ADAMTSL3: variants seen among roughly 807,000 people sequenced by gnomAD.
The protein encoded by ADAMTSL3 is ADAMTS-like protein 3.
ADAMTSL3 carries 128 observed loss-of-function variants against 201.7 expected under a neutral mutation model. The ratio of observed to expected loss-of-function variants is 0.63; its 90% CI spans 0.55 to 0.73. The LOEUF (loss-of-function observed/expected upper bound fraction) is 0.73, where lower values mean the gene tolerates loss of function less well. Among genes scored for constraint, ADAMTSL3 ranks in the 30% least tolerant of loss-of-function variants. ADAMTSL3 has a pLI of 0.00. For missense variants in ADAMTSL3, 1,990 were observed against 2,119.6 expected, an observed-to-expected ratio of 0.94 and a Z score of 1.20; for synonymous variants, 738 against 748.4, an observed-to-expected ratio of 0.99 and a Z score of 0.23.
At chr15:83,812,235 C>T (rs2141886109) in intron 5 of ADAMTSL3, among the ~76,000 whole-genome samples, 1 of 152,276 alleles carries the variant, frequency 6.6e-6, no homozygotes, top group East Asian at 1.9e-4. Flanking sequence ...CAACCCACCC[C>T]ACCTCAAGTG....
At chr15:83,939,516 G>T (rs1261804327) in intron 17 of ADAMTSL3, among the ~76,000 whole-genome samples, 2 of 151,310 alleles carry the variant, frequency 1.3e-5, no homozygotes, top group Admixed American at 1.3e-4. Context: ...CTTTTTTTAT[G>T]CCACAATGTC....
At chr15:83,962,987 A>G (rs12900895) in intron 19 of ADAMTSL3, among the ~76,000 whole-genome samples, 21,535 of 152,200 alleles carry the variant, frequency 0.14, 1,984 homozygotes, top group Middle Eastern at 0.34. Context: ...AATCTAGCCC[A>G]GGTACTACAC....
chr15:83,877,370 C>T (rs548737361), intron 9 of ADAMTSL3, among the ~76,000 whole-genome samples: 2 of 152,200 alleles, frequency 1.3e-5, no homozygotes, highest in Admixed American at 6.5e-5. Context: ...GTTTAATTGA[C>T]CTAGAGCCAT....
At chr15:83,922,182 A>G (rs2066159819) in intron 16 of ADAMTSL3, among the ~76,000 whole-genome samples, 1 of 152,228 alleles carries the variant, frequency 6.6e-6, no homozygotes, top group African/African-American at 2.4e-5. Context: ...AGAAGTGTCT[A>G]AGTAACATTG....
intron 9 of ADAMTSL3, among the ~76,000 whole-genome samples, chr15:83,871,427 T>C (rs1372599902): frequency 6.6e-6 from 1 of 152,194 alleles, no homozygotes; most frequent in Non-Finnish European, 1.5e-5. Context: ...TAAACCAGTA[T>C]TGTGCCGCTG....
At chr15:83,882,955 T>G (rs1276432019) in intron 9 of ADAMTSL3, among the ~76,000 whole-genome samples, 1 of 152,048 alleles carries the variant, frequency 6.6e-6, no homozygotes, top group Non-Finnish European at 1.5e-5. Context: ...TAAGCAATTA[T>G]ATCATTAAAT....
intron 19 of ADAMTSL3, among the ~76,000 whole-genome samples, chr15:83,947,356 A>G (rs547771943): frequency 3.1e-4 from 47 of 152,362 alleles, no homozygotes; most frequent in Middle Eastern, 3.4e-3. Context: ...CACTAGCTCT[A>G]TTCATGATAT....
At chr15:83,666,804 C>G (rs1247984686) in intron 2 of ADAMTSL3, among the ~76,000 whole-genome samples, 3 of 150,930 alleles carry the variant, frequency 2.0e-5, no homozygotes, top group South Asian at 2.1e-4. Flanking sequence ...GATTGTGCCA[C>G]TGCACTCCAG....
chr15:83,763,132 C>T (rs1291267872), intron 3 of ADAMTSL3, among the ~76,000 whole-genome samples: 1 of 152,040 alleles, frequency 6.6e-6, no homozygotes, highest in Non-Finnish European at 1.5e-5. Context: ...TCAAGTGATT[C>T]CCCCCACCTC....
intron 2 of ADAMTSL3, among the ~76,000 whole-genome samples, chr15:83,658,435 G>A (rs183018884): frequency 1.3e-5 from 2 of 152,332 alleles, no homozygotes; most frequent in Non-Finnish European, 2.9e-5. Flanking sequence ...TATTGAATCA[G>A]CTAAAATGTA....
intron 5 of ADAMTSL3, among the ~76,000 whole-genome samples, chr15:83,806,414 A>G (rs2063603228): frequency 6.6e-6 from 1 of 152,216 alleles, no homozygotes; most frequent in South Asian, 2.1e-4. Context: ...TGTAGACCCA[A>G]CTACTGTGTC....
chr15:83,702,415 AG>A (rs1308153150), intron 2 of ADAMTSL3, among the ~76,000 whole-genome samples: 1 of 152,226 alleles, frequency 6.6e-6, no homozygotes, highest in Non-Finnish European at 1.5e-5. Flanking sequence ...AAATGTCTCC[AG>A]GGCATGTCAG....
intron 13 of ADAMTSL3, among the ~76,000 whole-genome samples, chr15:83,894,536 T>A (rs563614633): frequency 1.3e-5 from 2 of 152,334 alleles, no homozygotes; most frequent in South Asian, 4.1e-4. Context: ...CCATCTTTCA[T>A]TTAAAAAATA....
chr15:83,883,387 G>A (rs1331666671), intron 9 of ADAMTSL3, among the ~76,000 whole-genome samples: 1 of 151,744 alleles, frequency 6.6e-6, no homozygotes, highest in East Asian at 1.9e-4. Flanking sequence ...TGGCCAGGCT[G>A]GTCTTGAGCT....
chr15:84,021,397 T>C lies in ADAMTSL3; in HGVS notation c.4274-13T>C. 3 of 1,613,734 alleles carry C rather than the reference T, an allele frequency of 1.9e-6. No homozygotes were observed. The highest frequency in any genetic ancestry group is 1.7e-5 in the Admixed American group (1 of 59,982). On this transcript the variant is annotated splice_polypyrimidine_tract_variant and intron_variant, in intron 25 of 29. Coordinates refer to ENST00000286744, the MANE Select transcript of ADAMTSL3 (RefSeq NM_207517.3). Reference sequence around the variant, plus strand: ...TTTTGGGGCTGGCATGATATTTTGTTTTCTTTCTGCAGAGCCTTTTTGGGA... The same window carrying C: ...TTTTGGGGCTGGCATGATATTTTGTCTTCTTTCTGCAGAGCCTTTTTGGGA...
intron 5 of ADAMTSL3, among the ~76,000 whole-genome samples, chr15:83,814,550 C>T (rs2063744678): frequency 6.6e-6 from 1 of 152,178 alleles, no homozygotes; most frequent in African/African-American, 2.4e-5. Context: ...TCACACCATC[C>T]TTTAAATCCA....
chr15:83,740,634 T>A (rs370884636), intron 3 of ADAMTSL3, among the ~76,000 whole-genome samples: 1 of 152,066 alleles, frequency 6.6e-6, no homozygotes, highest in African/African-American at 2.4e-5. Flanking sequence ...ATAAAAAAGA[T>A]GCAATAGAGT....
intron 4 of ADAMTSL3, among the ~76,000 whole-genome samples, chr15:83,779,050 A>G (rs375426448): frequency 9.8e-5 from 15 of 152,308 alleles, no homozygotes; most frequent in African/African-American, 3.6e-4. Flanking sequence ...GGTTCAATTC[A>G]CAAGAAGACC....
chr15:83,710,690 G>T (rs368842543), intron 3 of ADAMTSL3, among the ~76,000 whole-genome samples: 78 of 152,248 alleles, frequency 5.1e-4, no homozygotes, highest in African/African-American at 1.9e-3. Context: ...CTATTTGTAT[G>T]ATTCCTTGTT....
Sources: allele counts gnomAD v4.1 joint callset (sites outside exome capture counted in the v4.1 genomes callset), GRCh38; gene constraint gnomAD v4.1.1; transcripts MANE v1.5; gene names NCBI Gene and HGNC (gene_info 2026-07-23, HGNC 2026-07-21).